Variants in PDE1C observed in about 807,000 individuals in gnomAD.
PDE1C encodes the protein dual specificity calcium/calmodulin-dependent 3',5'-cyclic nucleotide phosphodiesterase 1C.
PDE1C carries 62 observed loss-of-function variants against 93.1 expected under a neutral mutation model. That is an observed-to-expected ratio of 0.67 (90% CI 0.54 to 0.82). The LOEUF (loss-of-function observed/expected upper bound fraction) is 0.82. PDE1C is among the 40% of genes least tolerant of loss of function. The probability of loss-of-function intolerance (pLI) is 0.00; values close to 1 mark genes in which losing one functional copy is unlikely to be tolerated. For missense variants in PDE1C, 742 were observed against 884.6 expected, an observed-to-expected ratio of 0.84 and a Z score of 2.04; for synonymous variants, 325 against 310.1, an observed-to-expected ratio of 1.05 and a Z score of -0.50.
intron 1 of PDE1C, among the ~76,000 whole-genome samples, chr7:32,329,679 C>A (rs554199900): frequency 6.6e-6 from 1 of 152,296 alleles, no homozygotes; most frequent in East Asian, 1.9e-4. Flanking sequence ...GTCATCTATA[C>A]TTCTACTACC....
At chr7:32,384,263 G>GGGA (rs1414217648) in intron 1 of PDE1C, among the ~76,000 whole-genome samples, 1 of 152,166 alleles carries the variant, frequency 6.6e-6, no homozygotes, top group East Asian at 1.9e-4. Flanking sequence ...AGTCTAGATG[G>GGGA]GGAGATGGAT....
At chr7:32,172,786 C>T (rs1362844631) in intron 2 of PDE1C, among the ~76,000 whole-genome samples, 1 of 145,980 alleles carries the variant, frequency 6.9e-6, no homozygotes, top group Non-Finnish European at 1.5e-5. Context: ...GGTGCCATTG[C>T]ACTCCAGCCT....
chr7:32,292,952 T>C (rs969289477), intron 1 of PDE1C, among the ~76,000 whole-genome samples: 18 of 152,280 alleles, frequency 1.2e-4, no homozygotes, highest in East Asian at 7.7e-4. Context: ...CACTTGACTC[T>C]TACTCTCATC....
At chr7:31,711,599 C>T in the PDE1C span, among the ~76,000 whole-genome samples, 1 of 152,138 alleles carries the variant, frequency 6.6e-6, no homozygotes, top group Admixed American at 6.5e-5. Flanking sequence ...TGGTTTTCTC[C>T]ACCCTCTCTC....
At chr7:32,285,040 A>G (rs1811912072) in intron 1 of PDE1C, among the ~76,000 whole-genome samples, 1 of 151,904 alleles carries the variant, frequency 6.6e-6, no homozygotes, top group African/African-American at 2.4e-5. Context: ...AAAAAAAAAA[A>G]AAAGAAAAAA....
chr7:32,205,617 C>T (rs558721818), intron 2 of PDE1C, among the ~76,000 whole-genome samples: 3 of 152,258 alleles, frequency 2.0e-5, no homozygotes, highest in East Asian at 1.9e-4. Context: ...CCAGCCAACC[C>T]GTTTGGGTCT....
At chr7:32,422,483 C>T (rs111533236) in intron 1 of PDE1C, among the ~76,000 whole-genome samples, 1 of 140,206 alleles carries the variant, frequency 7.1e-6, no homozygotes, top group Non-Finnish European at 1.6e-5. Flanking sequence ...CCTTTCCCCC[C>T]CACCTGGCCT....
chr7:31,695,138 G>C, the PDE1C span, among the ~76,000 whole-genome samples: 1 of 124,764 alleles, frequency 8.0e-6, no homozygotes, highest in African/African-American at 3.6e-5. Flanking sequence ...GTTTAGCAGA[G>C]AGAACCTATT....
chr7:32,013,984 A>T (rs1209341521), intron 2 of PDE1C, among the ~76,000 whole-genome samples: 1 of 152,246 alleles, frequency 6.6e-6, no homozygotes. Flanking sequence ...GCTCTTTTAC[A>T]TATGTGCTGC....
At chr7:32,238,288 G>C (rs1456121043) in intron 1 of PDE1C, among the ~76,000 whole-genome samples, 1 of 152,130 alleles carries the variant, frequency 6.6e-6, no homozygotes, top group Non-Finnish European at 1.5e-5. Context: ...AATAAATCTA[G>C]CTAATGCATC....
intron 3 of PDE1C, among the ~76,000 whole-genome samples, chr7:32,080,054 GAAC>G (rs1446493945): frequency 2.0e-5 from 3 of 152,180 alleles, no homozygotes; most frequent in Non-Finnish European, 4.4e-5. Flanking sequence ...TGACAAGAGG[GAAC>G]AACATGTGCA....
chr7:32,116,397 A>C, intron 3 of PDE1C, among the ~76,000 whole-genome samples: 1 of 151,978 alleles, frequency 6.6e-6, no homozygotes, highest in Non-Finnish European at 1.5e-5. Context: ...TTCTCGGGGG[A>C]ATAGGAGAAG....
At chr7:31,662,463 G>A in the PDE1C span, among the ~76,000 whole-genome samples, 3 of 152,036 alleles carry the variant, frequency 2.0e-5, no homozygotes, top group African/African-American at 7.2e-5. Flanking sequence ...CCACCTGAGT[G>A]GGCACTGCAC....
the PDE1C span, among the ~76,000 whole-genome samples, chr7:31,625,306 T>C: frequency 2.0e-5 from 3 of 151,954 alleles, no homozygotes; most frequent in Admixed American, 1.3e-4. Flanking sequence ...CATGCTGCTA[T>C]AAAGACACAT....
Position 32,406,474 on chromosome 7 carries a change from G to T in PDE1C, c.310+21348C>A, listed in dbSNP as rs188493290. Among the ~76,000 whole-genome samples the T allele has an allele frequency of 1.4e-4, 21 of 145,012 alleles. No homozygotes were observed. In the East Asian group the frequency reaches 4.0e-3, roughly 28 times the overall value. On this transcript the variant is annotated intron_variant, in intron 1 of 1. Coordinates refer to the PDE1C transcript ENST00000672256. ...AAAATGCTACTGAAAGCTGGCTACA[G>T]AATTCCTCTTGTTCAGCAAAATATA... is the stretch of plus-strand genomic sequence containing the variant.
At chr7:32,296,283 A>G (rs1161159624) in intron 1 of PDE1C, among the ~76,000 whole-genome samples, 1 of 152,252 alleles carries the variant, frequency 6.6e-6, no homozygotes, top group Admixed American at 6.5e-5. Context: ...ATGTATGAAC[A>G]TATCACATTG....
chr7:31,716,181 A>G, the PDE1C span, among the ~76,000 whole-genome samples: 1 of 152,178 alleles, frequency 6.6e-6, no homozygotes, highest in South Asian at 2.1e-4. Flanking sequence ...TCAGGGGCAT[A>G]TAAGTGCTAG....
At chr7:31,958,718 T>G (rs1270728632) in intron 2 of PDE1C, among the ~76,000 whole-genome samples, 1 of 152,168 alleles carries the variant, frequency 6.6e-6, no homozygotes, top group Non-Finnish European at 1.5e-5. Flanking sequence ...CATTTATTAC[T>G]TTGGAATGAT....
chr7:31,632,355 G>C, the PDE1C span, among the ~76,000 whole-genome samples: 1 of 152,164 alleles, frequency 6.6e-6, no homozygotes, highest in Non-Finnish European at 1.5e-5. Flanking sequence ...GGCTGAAACA[G>C]GAGAATCGCT....
Sources: allele counts gnomAD v4.1 joint callset (sites outside exome capture counted in the v4.1 genomes callset), GRCh38; gene constraint gnomAD v4.1.1; transcripts MANE v1.5; gene names NCBI Gene and HGNC (gene_info 2026-07-23, HGNC 2026-07-21).